Variants in MYLK4 observed in about 807,000 individuals in gnomAD.
MYLK4 encodes myosin light chain kinase family member 4.
Under a neutral mutation model 48.1 loss-of-function variants are expected in MYLK4, and 46 were observed. That is an observed-to-expected ratio of 0.96 (90% confidence interval 0.75 to 1.22). The LOEUF (loss-of-function observed/expected upper bound fraction) is 1.22. Ranked by LOEUF, MYLK4 falls within the 50% of genes most tolerant of loss-of-function variation. The pLI is 0.00. For synonymous variants in MYLK4, 170 were observed against 180.8 expected, an observed-to-expected ratio of 0.94 and a Z score of 0.48; for missense variants, 451 against 486.1, an observed-to-expected ratio of 0.93 and a Z score of 0.68.
rs1400375421 is a variant in MYLK4, at chr6:2,679,112, T to A, written c.887+168A>T. Among the ~76,000 whole-genome samples the A allele has an allele frequency of 3.3e-5, 5 of 152,192 alleles. No individual in the cohort carries two copies. In the East Asian group the frequency reaches 9.6e-4, roughly 29 times the overall value. ...TCCAAATGATGTGCAGGGAAAGAAT[T>A]CACTCCTTTCACCCACAGGAGTCAA... On this transcript the variant is annotated intron_variant, in intron 9 of 12. Transcript: ENST00000274643.
At chr6:2,677,853 A>G (rs767509400) in intron 10 of MYLK4, among the ~76,000 whole-genome samples, 2 of 152,208 alleles carry the variant, frequency 1.3e-5, no homozygotes, top group Non-Finnish European at 2.9e-5. Flanking sequence ...TAGTTTCCCA[A>G]ATGAAATGGT....
intron 2 of MYLK4, among the ~76,000 whole-genome samples, chr6:2,712,772 C>T (rs1370488535): frequency 6.6e-6 from 1 of 152,194 alleles, no homozygotes; most frequent in Non-Finnish European, 1.5e-5. Flanking sequence ...ACAAGCTACT[C>T]TCTGCCCCCA....
Position 2,688,963 on chromosome 6 carries a change from G to T in MYLK4, c.236-7C>A. ...GGAGGAGCCGGGATGTCAACTAGAA[G>T]GTGAGAGAAACAGAAGGGCAATCTG... On this transcript the variant is annotated splice_region_variant and splice_polypyrimidine_tract_variant and intron_variant, in intron 3 of 12. Coordinates refer to ENST00000274643, the MANE Select transcript of MYLK4 (RefSeq NM_001012418.5). 6.2e-7 allele frequency: 1 copy of T among 1,613,422 alleles called. No individual in the cohort carries two copies. The highest frequency in any genetic ancestry group is 8.5e-7 in the Non-Finnish European group (1 of 1,179,362).
At chr6:2,746,355 T>C (rs558602022) in intron 2 of MYLK4, among the ~76,000 whole-genome samples, 27 of 151,854 alleles carry the variant, frequency 1.8e-4, no homozygotes, top group African/African-American at 6.3e-4. Flanking sequence ...GGCTATGAAG[T>C]GTTTCATAAA....
rs1760925982 is a variant in MYLK4 at position 2,672,206 on chromosome 6, C to A, written c.1120-858G>T. Among the ~76,000 whole-genome samples, 1 of 152,172 alleles carries A rather than the reference C, an allele frequency of 6.6e-6. No homozygotes were observed. Among genetic ancestry groups the A allele is most frequent in the African/African-American group, 2.4e-5 (1 of 41,442 alleles). On this transcript the variant is annotated intron_variant, in intron 11 of 12. Transcript: ENST00000274643. The surrounding 1 kb of genome is among the most constrained non-coding windows in gnomAD (Gnocchi z 4.3). ...TGTCAAATTTGTGTCGTGTTCCTTC[C>A]TCTGGCCCCAGAACCCTGGCTAATT...
At chr6:2,728,152 A>G (rs549407046) in intron 2 of MYLK4, among the ~76,000 whole-genome samples, 16 of 152,292 alleles carry the variant, frequency 1.1e-4, no homozygotes, top group Non-Finnish European at 2.2e-4. Flanking sequence ...CTATTTTTAA[A>G]AGTGATCCAG....
chr6:2,766,599 C>T, the MYLK4 span, among the ~76,000 whole-genome samples: 2 of 152,188 alleles, frequency 1.3e-5, no homozygotes, highest in African/African-American at 4.8e-5. Flanking sequence ...AGTGCCTGGT[C>T]CACAGGTGGA....
chr6:2,755,291 T>C (rs997828943), upstream of MYLK4, among the ~76,000 whole-genome samples: 1 of 152,196 alleles, frequency 6.6e-6, no homozygotes, highest in Non-Finnish European at 1.5e-5. Flanking sequence ...CATAGTACAA[T>C]GAATACCTAT....
intron 2 of MYLK4, among the ~76,000 whole-genome samples, chr6:2,706,982 G>A (rs538297016): frequency 4.6e-5 from 7 of 152,278 alleles, no homozygotes; most frequent in African/African-American, 1.2e-4. Context: ...ATGCAGCTGC[G>A]TCTTTCTCAA....
chr6:2,770,182 C>G, the MYLK4 span: 1 of 1,614,236 alleles, frequency 6.2e-7, no homozygotes. Context: ...CCACTGAAAA[C>G]CCTTCCTTCC....
chr6:2,684,387 T>C (rs976572708), intron 6 of MYLK4, among the ~76,000 whole-genome samples: 2 of 152,190 alleles, frequency 1.3e-5, no homozygotes, highest in Non-Finnish European at 2.9e-5. Flanking sequence ...CCACTTAATA[T>C]TTTGGGGCCT....
chr6:2,699,282 CTTTTCTT>C (rs1174998032), intron 2 of MYLK4, among the ~76,000 whole-genome samples: 1 of 63,582 alleles, frequency 1.6e-5, no homozygotes, highest in African/African-American at 6.1e-5. Context: ...CTTTTCTTTT[CTTTTCTT>C]TTTTTTTTTT....
the MYLK4 span, among the ~76,000 whole-genome samples, chr6:2,756,537 G>C: frequency 6.6e-6 from 1 of 152,118 alleles, no homozygotes; most frequent in Admixed American, 6.6e-5. Context: ...TGTCACTGTA[G>C]ACACTTCAGA....
In MYLK4 at chr6:2,685,674, T is replaced by G; in HGVS notation, c.342-98A>C. 3 of 1,027,366 alleles carry G rather than the reference T, an allele frequency of 2.9e-6. No homozygotes were observed. The highest frequency in any genetic ancestry group is 1.6e-5 in the African/African-American group (1 of 64,192). The allele number at this position is 1,027,366 out of a possible 1,614,324, so 63.6% of individuals were successfully genotyped here. ...CAGTATTTCTCCTGCTGAGTCTGGA[T>G]GAGCAGCCCTCTGAGGAGTTCTTTC... On this transcript the variant is annotated intron_variant, in intron 4 of 12. Transcript: ENST00000274643. The surrounding 1 kb of genome is among the most constrained non-coding windows in gnomAD (Gnocchi z 4.5).
At chr6:2,686,771 G>A (rs879677050) in intron 4 of MYLK4, among the ~76,000 whole-genome samples, 4 of 152,226 alleles carry the variant, frequency 2.6e-5, no homozygotes, top group Non-Finnish European at 5.9e-5. Flanking sequence ...TACCATAAAC[G>A]TAGCCACGGC....
At chr6:2,769,733 G>C in the MYLK4 span, among the ~76,000 whole-genome samples, 1 of 152,210 alleles carries the variant, frequency 6.6e-6, no homozygotes, top group Non-Finnish European at 1.5e-5. Flanking sequence ...GATTCTGGAA[G>C]TGTTAATGTT....
chr6:2,763,364 G>T, the MYLK4 span, among the ~76,000 whole-genome samples: 4 of 152,272 alleles, frequency 2.6e-5, no homozygotes, highest in African/African-American at 7.2e-5. Flanking sequence ...GTGGTGAACG[G>T]CCCTGGGTGC....
the MYLK4 span, among the ~76,000 whole-genome samples, chr6:2,761,388 G>C: frequency 3.6e-3 from 554 of 152,288 alleles, 5 homozygotes; most frequent in African/African-American, 0.013. Context: ...GATCTGAAAA[G>C]AAAGTTTAAA....
chr6:2,770,007 G>C, the MYLK4 span: 2 of 1,469,612 alleles, frequency 1.4e-6, no homozygotes, highest in Non-Finnish European at 1.8e-6. Context: ...TGCTATTCCT[G>C]AACTCGAAAG....
Sources: allele counts gnomAD v4.1 joint callset (sites outside exome capture counted in the v4.1 genomes callset), GRCh38; gene constraint gnomAD v4.1.1; non-coding constraint Gnocchi (gnomAD v3.1); transcripts MANE v1.5; gene names NCBI Gene and HGNC (gene_info 2026-07-23, HGNC 2026-07-21).